Variants in GLRA2 observed in about 807,000 individuals in gnomAD.
GLRA2 encodes the protein glycine receptor subunit alpha-2.
In GLRA2, 11 loss-of-function variants were observed where a neutral mutation model predicts 31.6. The observed-to-expected ratio is 0.35, with a 90% CI of 0.22 to 0.58. The LOEUF is 0.58. GLRA2 is among the 20% of genes least tolerant of loss of function. The probability of loss-of-function intolerance (pLI) is 0.84; values close to 1 mark genes in which losing one functional copy is unlikely to be tolerated. For synonymous variants in GLRA2, 132 were observed against 134.0 expected (o/e 0.99, Z 0.10); for missense variants, 212 against 351.8 (o/e 0.60, Z 3.18).
chrX:14,575,576 C>T (rs922972832), intron 3 of GLRA2, among the ~76,000 whole-genome samples: 1 of 110,308 alleles, frequency 9.1e-6, no homozygotes, highest in African/African-American at 3.3e-5. Context: ...ATATTCCTGC[C>T]TCAGCCTCCC....
chrX:14,694,919 T>C (rs2091420213), intron 8 of GLRA2, among the ~76,000 whole-genome samples: 1 of 112,135 alleles, frequency 8.9e-6, no homozygotes. Flanking sequence ...AGTGTTACCA[T>C]TTATTAAGAT....
chrX:14,620,031 C>T (rs1288283565), intron 7 of GLRA2, among the ~76,000 whole-genome samples: 1 of 107,805 alleles, frequency 9.3e-6, no homozygotes, highest in Non-Finnish European at 1.9e-5. Context: ...TATTCTTTAC[C>T]ACAGAGAATC....
intron 4 of GLRA2, among the ~76,000 whole-genome samples, chrX:14,582,342 T>C (rs1258115186): frequency 9.2e-6 from 1 of 108,470 alleles, no homozygotes; most frequent in African/African-American, 3.4e-5. Context: ...TTGCGATAGT[T>C]TACTGAGAAT....
chrX:14,704,301 T>C (rs781096803), intron 8 of GLRA2, among the ~76,000 whole-genome samples: 1 of 112,659 alleles, frequency 8.9e-6, no homozygotes, highest in South Asian at 3.6e-4. Context: ...AAGGCTATGA[T>C]GGCAGATACC....
chrX:14,695,159 C>CA (rs372906912), intron 8 of GLRA2, among the ~76,000 whole-genome samples: 26,284 of 103,457 alleles, frequency 0.25, 2,620 homozygotes, highest in Non-Finnish European at 0.31. Context: ...ATAACAGAAA[C>CA]AAAAAAAAAA....
At chrX:14,472,546 G>T in the GLRA2 span, among the ~76,000 whole-genome samples, 1 of 110,518 alleles carries the variant, frequency 9.0e-6, no homozygotes, top group Non-Finnish European at 1.9e-5. Flanking sequence ...CCTCTTTTAG[G>T]CCCCAGTGTG....
At chrX:14,592,832 G>A (rs1285168501) in intron 4 of GLRA2, among the ~76,000 whole-genome samples, 1 of 112,319 alleles carries the variant, frequency 8.9e-6, no homozygotes, top group Non-Finnish European at 1.9e-5. Flanking sequence ...ATGAAACATA[G>A]GTTTATATAC....
the GLRA2 span, among the ~76,000 whole-genome samples, chrX:14,459,674 T>G: frequency 8.9e-6 from 1 of 111,887 alleles, no homozygotes; most frequent in African/African-American, 3.3e-5. Flanking sequence ...GCTCTCTGTT[T>G]GTCTGTTATT....
At chrX:14,544,389 T>G (rs1007490346) in intron 2 of GLRA2, among the ~76,000 whole-genome samples, 27 of 111,215 alleles carry the variant, frequency 2.4e-4, no homozygotes, top group African/African-American at 8.8e-4. Context: ...TTCATACCTG[T>G]ATGAAGAATT....
upstream of GLRA2, among the ~76,000 whole-genome samples, chrX:14,528,941 A>C (rs2089216710): frequency 8.9e-6 from 1 of 111,887 alleles, no homozygotes; most frequent in Non-Finnish European, 1.9e-5. Context: ...AGAGGTAGAG[A>C]GATCCTTTGG....
chrX:14,689,316 G>A (rs980238320), intron 7 of GLRA2, among the ~76,000 whole-genome samples: 4 of 112,577 alleles, frequency 3.6e-5, no homozygotes, highest in South Asian at 3.6e-4. Flanking sequence ...ATATTAGATA[G>A]AAAATAACCT....
intron 4 of GLRA2, among the ~76,000 whole-genome samples, chrX:14,584,104 C>T (rs948786082): frequency 2.7e-5 from 3 of 110,771 alleles, no homozygotes; most frequent in Non-Finnish European, 5.7e-5. Context: ...TAGGGTACTA[C>T]GCTTATTGCC....
At chrX:14,669,461 G>C (rs1048170779) in intron 7 of GLRA2, among the ~76,000 whole-genome samples, 1 of 111,584 alleles carries the variant, frequency 9.0e-6, no homozygotes, top group African/African-American at 3.3e-5. Context: ...CACTGCCCTA[G>C]CAGAGGTTCT....
chrX:14,579,625 T>C (rs2089994558), intron 3 of GLRA2, among the ~76,000 whole-genome samples: 1 of 112,173 alleles, frequency 8.9e-6, no homozygotes, highest in South Asian at 3.7e-4. Flanking sequence ...CCACAGCACC[T>C]GGGCCAAGTC....
chrX:14,637,578 C>A (rs984398785), intron 7 of GLRA2, among the ~76,000 whole-genome samples: 3 of 112,088 alleles, frequency 2.7e-5, no homozygotes, highest in Non-Finnish European at 5.6e-5. Flanking sequence ...CATTTGGCAG[C>A]AAAACCTGTT....
chrX:14,587,328 C>T (rs780142954), intron 4 of GLRA2, among the ~76,000 whole-genome samples: 14 of 111,792 alleles, frequency 1.3e-4, no homozygotes, highest in Admixed American at 2.8e-4. Flanking sequence ...ATTGCTGGTT[C>T]GAATAGTATC....
chrX:14,704,323 T>C (rs1204827467), intron 8 of GLRA2, among the ~76,000 whole-genome samples: 1 of 112,517 alleles, frequency 8.9e-6, no homozygotes, highest in East Asian at 2.8e-4. Context: ...TGAACCTTCT[T>C]CTTTCACTAT....
At chrX:14,450,376 T>C in the GLRA2 span, among the ~76,000 whole-genome samples, 8 of 111,251 alleles carry the variant, frequency 7.2e-5, no homozygotes, top group Admixed American at 6.7e-4. Context: ...GAGCAGGGAG[T>C]GCAGCCTGCC....
chrX:14,527,200 T>C (rs1191409696), upstream of GLRA2, among the ~76,000 whole-genome samples: 3 of 111,938 alleles, frequency 2.7e-5, no homozygotes, highest in African/African-American at 9.7e-5. Context: ...CTAGATCCTC[T>C]CTAATGTCCC....
Sources: gnomAD v4.1 joint callset for allele counts (sites outside exome capture counted in the v4.1 genomes callset) on GRCh38, gnomAD v4.1.1 for gene constraint, MANE v1.5 for transcripts, NCBI Gene and HGNC (gene_info 2026-07-23, HGNC 2026-07-21) for gene names.